The following GABRA2 variants were observed in gnomAD, a reference collection of about 807,000 sequenced individuals.
GABRA2 encodes the protein gamma-aminobutyric acid receptor subunit alpha-2.
Under a neutral mutation model 48.7 loss-of-function variants are expected in GABRA2, and 16 were observed. The ratio of observed to expected loss-of-function variants is 0.33; its 90% confidence interval spans 0.22 to 0.50. GABRA2 has a LOEUF of 0.50. Among genes scored for constraint, GABRA2 ranks in the 20% least tolerant of loss-of-function variants. The pLI is 0.98. For missense variants in GABRA2, 275 were observed against 535.6 expected (o/e 0.51, Z 4.80); for synonymous variants, 185 against 184.5 (o/e 1.00, Z -0.02).
intron 3 of GABRA2, among the ~76,000 whole-genome samples, chr4:46,384,021 G>A (rs780789752): frequency 2.6e-5 from 4 of 152,146 alleles, no homozygotes; most frequent in Non-Finnish European, 4.4e-5. Flanking sequence ...CACATGCTTT[G>A]TGTACACTTT....
chr4:46,365,711 T>C (rs1713930317), intron 3 of GABRA2: 1 of 152,132 alleles, frequency 6.6e-6, no homozygotes, highest in Non-Finnish European at 1.5e-5. Flanking sequence ...AAAAAGCACA[T>C]GGTAAGAACA....
rs201471816 is a variant in GABRA2, at chr4:46,305,602, T to C, written c.669A>G (p.Gln223=). ...SRLNQYDLLG[Q]SIGKETIKSS... is the part of the protein sequence containing the mutation. ...ATTTAATTGTCTCCTTTCCGATTGA[T>C]TGGCCCAGCAGGTCATATTGATTTA... Residue 223 remains glutamine (Q), a synonymous_variant, in exon 7 of 10, where the codon CAA becomes CAG. Transcript: ENST00000381620. 2 of 1,613,940 alleles carry C rather than the reference T, an allele frequency of 1.2e-6. No individual in the cohort carries two copies. Among genetic ancestry groups the C allele is most frequent in the Non-Finnish European group, 8.5e-7 (1 of 1,179,928 alleles).
intron 8 of GABRA2, among the ~76,000 whole-genome samples, chr4:46,280,556 A>T (rs920177085): frequency 6.6e-6 from 1 of 152,180 alleles, no homozygotes; most frequent in East Asian, 1.9e-4. Context: ...TTGTAACACA[A>T]GTATGACATT....
At chr4:46,280,279 A>G (rs1721282807) in intron 8 of GABRA2, among the ~76,000 whole-genome samples, 1 of 152,128 alleles carries the variant, frequency 6.6e-6, no homozygotes, top group Admixed American at 6.5e-5. Flanking sequence ...GATAATTGAG[A>G]AAAGCACTGA....
chr4:46,334,604 G>A (rs189653949), intron 3 of GABRA2, among the ~76,000 whole-genome samples: 14 of 152,218 alleles, frequency 9.2e-5, no homozygotes, highest in African/African-American at 2.9e-4. Context: ...GGATATGAAT[G>A]GCATTCCCTA....
At chr4:46,334,645 G>T (rs1240250143) in intron 3 of GABRA2, among the ~76,000 whole-genome samples, 1 of 152,124 alleles carries the variant, frequency 6.6e-6, no homozygotes, top group African/African-American at 2.4e-5. Flanking sequence ...GGGTGAAGGG[G>T]TATCAGTACC....
chr4:46,388,115 T>C (rs1180172919), intron 2 of GABRA2, among the ~76,000 whole-genome samples: 1 of 152,156 alleles, frequency 6.6e-6, no homozygotes, highest in African/African-American at 2.4e-5. Context: ...ATCTAGCTTT[T>C]GTTTCATTGT....
intron 4 of GABRA2, among the ~76,000 whole-genome samples, chr4:46,330,591 T>TATATATATATATAGAGAGAG (rs1411755120): frequency 6.5e-5 from 8 of 122,686 alleles, no homozygotes; most frequent in East Asian, 3.1e-4. Context: ...TATATATATA[T>TATATATATATATAGAGAGAG]AGAGAGAGAG....
intron 8 of GABRA2, among the ~76,000 whole-genome samples, chr4:46,280,033 T>C (rs1387050306): frequency 2.0e-5 from 3 of 151,986 alleles, no homozygotes; most frequent in African/African-American, 7.3e-5. Flanking sequence ...GACATTCTTC[T>C]AGGCTTACAA....
intron 3 of GABRA2, among the ~76,000 whole-genome samples, chr4:46,384,241 A>G (rs887487125): frequency 1.8e-4 from 28 of 152,132 alleles, no homozygotes; most frequent in Non-Finnish European, 3.4e-4. Flanking sequence ...TGATCAAGAG[A>G]AGAGAGTGAC....
intron 8 of GABRA2, among the ~76,000 whole-genome samples, chr4:46,264,756 A>G (rs1201888607): frequency 6.6e-6 from 1 of 151,760 alleles, no homozygotes; most frequent in Non-Finnish European, 1.5e-5. Flanking sequence ...TTTGAGAAAG[A>G]TTGTTGTTAA....
At chr4:46,284,176 AT>A (rs1341182665) in intron 8 of GABRA2, among the ~76,000 whole-genome samples, 5 of 152,092 alleles carry the variant, frequency 3.3e-5, no homozygotes, top group Non-Finnish European at 5.9e-5. Context: ...TTAATAAGTG[AT>A]TTTGCTTTAA....
chr4:46,280,835 G>T (rs1474503949), intron 8 of GABRA2, among the ~76,000 whole-genome samples: 1 of 152,136 alleles, frequency 6.6e-6, no homozygotes, highest in Non-Finnish European at 1.5e-5. Flanking sequence ...GGATTAGTGT[G>T]GTTATAAGAA....
In GABRA2 at chr4:46,303,557, A is replaced by G; in HGVS notation, c.759T>C (p.Phe253=). The G allele has an allele frequency of 6.2e-7, 1 of 1,613,904 alleles. No homozygotes were observed. The highest frequency in any genetic ancestry group is 2.2e-5 in the East Asian group (1 of 44,860). Residue 253 remains phenylalanine, a synonymous_variant, in exon 8 of 10, where the codon TTT becomes TTC. Transcript: ENST00000381620. The stretch of plus-strand genomic sequence containing the variant: ...TGCAAGGCAGATAGGTTTGAATCAC[A>G]AAATACCCAATTTTTCTTTTCAGGT... The part of the protein sequence containing the change: ...HFHLKRKIGY[F]VIQTYLPCIM...
In GABRA2 at chr4:46,305,449, A is replaced by G. The variant is rs951746822; in HGVS notation, c.703+119T>C. The G allele has an allele frequency of 1.8e-5, 15 of 840,300 alleles. No homozygotes were observed. In the Admixed American group the frequency reaches 2.0e-4, roughly 11 times the overall value. The allele number at this position is 840,300 out of a possible 1,614,324, so 52.1% of individuals were successfully genotyped here. On this transcript the variant is annotated intron_variant, in intron 7 of 9. Coordinates refer to ENST00000381620, the MANE Select transcript of GABRA2 (RefSeq NM_000807.4). ...AAAAACAAGCTCCCAAGCACAGCCT[A>G]TGCTGCTAGTTCTTGGACCTCAAGA...
chr4:46,389,145 C>T (rs1178303935), intron 1 of GABRA2: 4 of 991,926 alleles, frequency 4.0e-6, no homozygotes, highest in African/African-American at 3.5e-5. Context: ...TACTTCACGC[C>T]ACAACCCCCT....
At chr4:46,372,130 A>C (rs1176870420) in intron 3 of GABRA2, among the ~76,000 whole-genome samples, 1 of 152,226 alleles carries the variant, frequency 6.6e-6, no homozygotes, top group Admixed American at 6.5e-5. Flanking sequence ...AAGAAGAAGT[A>C]ACTTTTCTAT....
rs1336094530 is a variant in GABRA2, at chr4:46,243,956, A to C, written c.*6352T>G. ...TTTTCACTCACATCACATCTACTGG[A>C]AACATTTCATGAAAGGTGATGTTCC... On this transcript the variant is annotated 3_prime_UTR_variant, in exon 10 of 10. Coordinates refer to ENST00000381620, the MANE Select transcript of GABRA2 (RefSeq NM_000807.4). The C allele has an allele frequency of 4.0e-5, 6 of 151,588 alleles. No homozygotes were observed. The highest frequency in any genetic ancestry group is 1.2e-4 in the African/African-American group (5 of 41,414). The allele number at this position is 151,588 out of a possible 1,614,324, so 9.4% of individuals were successfully genotyped here.
intron 2 of GABRA2, among the ~76,000 whole-genome samples, chr4:46,387,828 A>G (rs1717676676): frequency 6.6e-6 from 1 of 152,176 alleles, no homozygotes; most frequent in Non-Finnish European, 1.5e-5. Context: ...ATTTTTAAAA[A>G]TAAATAGTTA....
Sources: allele counts gnomAD v4.1 joint callset (sites outside exome capture counted in the v4.1 genomes callset), GRCh38; gene constraint gnomAD v4.1.1; transcripts MANE v1.5; gene names NCBI Gene and HGNC (gene_info 2026-07-23, HGNC 2026-07-21).